Variants in PXMP2 observed in about 807,000 individuals in gnomAD.
PXMP2 encodes peroxisomal membrane protein 2, also known as 22 kDa peroxisomal membrane protein.
Under a neutral mutation model 20.2 loss-of-function variants are expected in PXMP2, and 13 were observed. The ratio of observed to expected loss-of-function variants is 0.64; its 90% confidence interval spans 0.42 to 1.02. The LOEUF (loss-of-function observed/expected upper bound fraction) is 1.02, where lower values mean the gene tolerates loss of function less well. PXMP2 is among the 50% of genes least tolerant of loss of function. The pLI, the probability that PXMP2 is intolerant of heterozygous loss-of-function variation, is 0.00. For missense variants in PXMP2, 284 were observed against 251.8 expected (o/e 1.13, Z -0.87); for synonymous variants, 113 against 111.2 (o/e 1.02, Z -0.10).
chr12:132,695,503 G>A (rs1475493748), intron 2 of PXMP2, among the ~76,000 whole-genome samples: 4 of 152,208 alleles, frequency 2.6e-5, no homozygotes, highest in Admixed American at 2.6e-4. Flanking sequence ...GCCTTCTAGG[G>A]GGGACGAGAG....
At chr12:132,689,942 G>T (rs529492835) in intron 1 of PXMP2, among the ~76,000 whole-genome samples, 3 of 152,306 alleles carry the variant, frequency 2.0e-5, no homozygotes, top group Non-Finnish European at 4.4e-5. Flanking sequence ...TCAAAATGCA[G>T]AACAGCGTCA....
At position 132,695,882 on chromosome 12, in the gene PXMP2, A is replaced by AGGTTCTTCTTCACAGGGCCGCT; in HGVS notation, c.237_258dup. 1.2e-6 allele frequency: 2 copies of AGGTTCTTCTTCACAGGGCCGCT among 1,603,204 alleles called. No homozygotes were observed. The highest frequency in any genetic ancestry group is 1.7e-6 in the Non-Finnish European group (2 of 1,173,802). On this transcript the variant is annotated splice_acceptor_variant, in intron 2 of 4. Coordinates refer to ENST00000317479, the MANE Select transcript of PXMP2 (RefSeq NM_018663.3). LOFTEE classifies it high-confidence loss of function. ...CTGGCTCACACCCCCTGGGGGCCTC[A>AGGTTCTTCTTCACAGGGCCGCT]GGTTCTTCTTCACAGGGCCGCTGAG...
chr12:132,694,603 A>G (rs1273457744), intron 2 of PXMP2, among the ~76,000 whole-genome samples: 1 of 113,308 alleles, frequency 8.8e-6, no homozygotes, highest in Non-Finnish European at 1.8e-5. Flanking sequence ...TCCCTTAGCC[A>G]GTTAGTGAGC....
Position 132,696,003 on chromosome 12 carries a change from C to A in PXMP2, c.356C>A (p.Pro119Gln), listed in dbSNP as rs527990964. 6.2e-7 allele frequency: 1 copy of A among 1,611,208 alleles called. No individual in the cohort carries two copies. The highest frequency in any genetic ancestry group is 1.1e-5 in the South Asian group (1 of 90,030). ...RLLLDRLVFA[P>Q]AFLMLFFLIM... ...CTCCTGGACCGCCTCGTCTTTGCAC[C>A]GGCCTTCCTCATGTTGTTCTTCCTC... Residue 119 changes from proline (P) to glutamine (Q), a missense_variant, in exon 3 of 5, where the codon CCG becomes CAG. By Grantham distance (76) the Pro-to-Gln change is moderately conservative. Coordinates refer to ENST00000317479, the MANE Select transcript of PXMP2 (RefSeq NM_018663.3). The surrounding 1 kb of genome is among the most constrained non-coding windows in gnomAD (Gnocchi z 4.4).
chr12:132,692,375 C>T lies in PXMP2; in HGVS notation c.236+1999C>T, dbSNP rs1390921510. Reference sequence around the variant, plus strand: ...GCCAGTTAGTTAGTGAGCTCCCTTGCCAGTTAGTTAGTGAGCTCCCTTAGC... The same window carrying T: ...GCCAGTTAGTTAGTGAGCTCCCTTGTCAGTTAGTTAGTGAGCTCCCTTAGC... On this transcript the variant is annotated intron_variant, in intron 2 of 4. Coordinates refer to ENST00000317479, the MANE Select transcript of PXMP2 (RefSeq NM_018663.3). Among the ~76,000 whole-genome samples, 12 of 106,122 alleles carry T rather than the reference C, an allele frequency of 1.1e-4. 1 individual carries two copies. The highest frequency in any genetic ancestry group is 8.1e-4 in the Admixed American group (9 of 11,092). 69.6% of individuals were successfully genotyped at this position (106,122 alleles called of 152,430 possible). A position where few individuals can be genotyped will look rare whatever the true frequency, so the allele number is the denominator to read the frequency against.
chr12:132,689,715 A>AT (rs2043355820), intron 1 of PXMP2, among the ~76,000 whole-genome samples: 1 of 152,198 alleles, frequency 6.6e-6, no homozygotes, highest in Non-Finnish European at 1.5e-5. Context: ...ATAATTGTAG[A>AT]TTCACAAACA....
At chr12:132,693,061 TA>T (rs1305304210) in intron 2 of PXMP2, among the ~76,000 whole-genome samples, 8 of 37,888 alleles carry the variant, frequency 2.1e-4, no homozygotes, top group Non-Finnish European at 3.1e-4. Flanking sequence ...TGAGCGCCCT[TA>T]GCCAGTTAGT....
Position 132,690,280 on chromosome 12 carries a change from T to C in PXMP2, c.140T>C (p.Leu47Pro), listed in dbSNP as rs2043358414. 6.2e-7 allele frequency: 1 copy of C among 1,613,954 alleles called. No homozygotes were observed. The highest frequency in any genetic ancestry group is 1.1e-5 in the South Asian group (1 of 91,084). ...KAATSGILSA[L>P]GNFLAQMIEK... Reference sequence around the variant, plus strand: ...CTCCACAGTGGCATTTTGTCAGCACTTGGGAACTTCCTGGCCCAGATGATT... The same window carrying C: ...CTCCACAGTGGCATTTTGTCAGCACCTGGGAACTTCCTGGCCCAGATGATT... The change falls in exon 2 of 5, where the codon CTT becomes CCT. Residue 47 changes from leucine to proline, a missense_variant. By Grantham distance (98) the Leu-to-Pro change is moderately conservative (BLOSUM62 -3). Transcript: ENST00000317479.
rs1301439656 is a variant in PXMP2 at position 132,701,277 on chromosome 12, A to G, written c.427A>G (p.Lys143Glu). The change falls in exon 4 of 5, where the codon AAG (lysine) becomes GAG (glutamate). Residue 143 changes from lysine to glutamate, a missense_variant. Physicochemically the swap from Lys to Glu is moderately conservative, Grantham distance 56. Transcript: ENST00000317479. ...GAAAGACGCCTCAGCCTTCGCCGCCAAGATGAGGGGGGGCTTCTGGCCGGC... is the reference window on the plus strand; with the variant it reads ...GAAAGACGCCTCAGCCTTCGCCGCCGAGATGAGGGGGGGCTTCTGGCCGGC... ...EGKDASAFAAKMRGGFWPALR... is the reference protein window; with the variant it reads ...EGKDASAFAAEMRGGFWPALR... 30 of 1,613,178 alleles carry G rather than the reference A, an allele frequency of 1.9e-5. No individual in the cohort carries two copies. Among genetic ancestry groups the G allele is most frequent in the Non-Finnish European group, 2.2e-5 (26 of 1,179,792 alleles).
intron 2 of PXMP2, among the ~76,000 whole-genome samples, chr12:132,691,051 A>ATTTT (rs35869908): frequency 7.5e-6 from 1 of 133,740 alleles, no homozygotes; most frequent in Non-Finnish European, 1.6e-5. Context: ...TGTTATTTTA[A>ATTTT]TTTTTTTTTT....
chr12:132,700,107 T>C (rs2043430979), intron 3 of PXMP2, among the ~76,000 whole-genome samples: 1 of 151,484 alleles, frequency 6.6e-6, no homozygotes, highest in South Asian at 2.1e-4. Flanking sequence ...AGTGGCACGA[T>C]CTCGGCTCAC....
chr12:132,704,603 C>A lies in PXMP2; in HGVS notation c.520-16C>A. ...CTCCCGCTGACCGTGGCCTGTTGGA[C>A]TGTTCTTTTCGGCAGTTCCGGGTGC... On this transcript the variant is annotated splice_polypyrimidine_tract_variant and intron_variant, in intron 4 of 4. Transcript: ENST00000317479. 1 of 1,430,060 alleles carries A rather than the reference C, an allele frequency of 7.0e-7. No homozygotes were observed. Among genetic ancestry groups the A allele is most frequent in the Non-Finnish European group, 9.2e-7 (1 of 1,085,296 alleles). 88.6% of individuals were successfully genotyped at this position (1,430,060 alleles called of 1,614,324 possible). A position where few individuals can be genotyped will look rare whatever the true frequency, so the allele number is the denominator to read the frequency against.
chr12:132,695,740 G>C, intron 2 of PXMP2, 144 bp from the exon 3 acceptor site: 3 of 726,150 alleles, frequency 4.1e-6, no homozygotes, highest in Non-Finnish European at 6.0e-6. Flanking sequence ...CCCTGAAGCC[G>C]ACTTATCTGT....
intron 1 of PXMP2, chr12:132,688,039 G>A (rs1038434242): frequency 4.2e-6 from 1 of 239,294 alleles, no homozygotes. Context: ...AGACCCGGGG[G>A]TCGGCGCTGA....
chr12:132,687,717 C>G lies in PXMP2; in HGVS notation c.47C>G (p.Ala16Gly). Residue 16 changes from alanine (A) to glycine (G), a missense_variant, in exon 1 of 5, where the codon GCG becomes GGG. By Grantham distance (60) the Ala-to-Gly change is moderately conservative. Coordinates refer to ENST00000317479, the MANE Select transcript of PXMP2 (RefSeq NM_018663.3). ...SRLRAEAGLG[A>G]LPRRALAQYL... ...CTGCGGGCCGAAGCCGGGCTCGGGG[C>G]GCTGCCGCGGCGGGCGCTCGCCCAG... 1 of 1,208,914 alleles carries G rather than the reference C, an allele frequency of 8.3e-7. No individual in the cohort carries two copies. The highest frequency in any genetic ancestry group is 1.0e-6 in the Non-Finnish European group (1 of 972,216). The allele number at this position is 1,208,914 out of a possible 1,614,324, so 74.9% of individuals were successfully genotyped here.
chr12:132,695,278 AGTTAGCCTAGTGAGTTCCCTTGCCAGTTT>A, intron 2 of PXMP2, among the ~76,000 whole-genome samples: 1 of 150,624 alleles, frequency 6.6e-6, no homozygotes, highest in South Asian at 2.1e-4. Context: ...CTTGCCAGTT[AGTTAGCCTAGTGAGTTCCCTTGCCAGTTT>A]GTTAGCCTAG....
intron 4 of PXMP2, 44 bp from the exon 5 acceptor site, chr12:132,704,575 G>A (rs375850462): frequency 1.3e-4 from 174 of 1,371,610 alleles, no homozygotes; most frequent in Middle Eastern, 1.1e-3. Context: ...AACTGGCCAC[G>A]GCCTCCCGCT....
At chr12:132,691,794 C>A (rs2043368326) in intron 2 of PXMP2, among the ~76,000 whole-genome samples, 1 of 152,222 alleles carries the variant, frequency 6.6e-6, no homozygotes, top group South Asian at 2.1e-4. Context: ...TATCTAAAGA[C>A]TGTCAACGTC....
In PXMP2 at chr12:132,690,336, A is replaced by T; in HGVS notation, c.196A>T (p.Ser66Cys). Residue 66 changes from serine to cysteine, a missense_variant, in exon 2 of 5, where the codon AGT becomes TGT. Physicochemically the swap from Ser to Cys is moderately radical, Grantham distance 112. Coordinates refer to ENST00000317479, the MANE Select transcript of PXMP2 (RefSeq NM_018663.3). ...EKKRKKENSR[S>C]LDVGGPLRYA... is the part of the protein sequence containing the mutation. ...GAAGCGGAAAAAAGAAAACTCTAGA[A>T]GTCTGGATGTCGGTGGGCCTCTGAG... The T allele has an allele frequency of 1.2e-6, 2 of 1,614,024 alleles. No individual in the cohort carries two copies.
Sources: gnomAD v4.1 joint callset for allele counts (sites outside exome capture counted in the v4.1 genomes callset) on GRCh38, gnomAD v4.1.1 for gene constraint, Gnocchi (gnomAD v3.1) non-coding constraint, MANE v1.5 for transcripts, NCBI Gene and HGNC (gene_info 2026-07-23, HGNC 2026-07-21) for gene names.